CDH8: variants seen among roughly 807,000 people sequenced by gnomAD.
The protein encoded by CDH8 is cadherin-8.
A neutral mutation model predicts 68.1 loss-of-function variants in CDH8; 17 were observed. The ratio of observed to expected loss-of-function variants is 0.25; its 90% CI spans 0.17 to 0.37. The LOEUF is 0.37. Ranked by LOEUF, CDH8 falls within the 10% of genes least tolerant of loss-of-function variation. The pLI, the probability that CDH8 is intolerant of heterozygous loss-of-function variation, is 1.00. For missense variants in CDH8, 763 were observed against 999.3 expected (o/e 0.76, Z 3.19); for synonymous variants, 372 against 365.1 (o/e 1.02, Z -0.21).
intron 3 of CDH8, among the ~76,000 whole-genome samples, chr16:61,880,460 A>AAAGC (rs1239693599): frequency 6.6e-6 from 1 of 152,204 alleles, no homozygotes; most frequent in East Asian, 1.9e-4. Context: ...CTATATCCAG[A>AAAGC]AAGCAATGGA....
Position 62,021,292 on chromosome 16 carries a change from A to C in CDH8, c.112T>G (p.Leu38Val). ...AGTTCCAAAGGGGATCCACTCATTAAAACTTGAGACTGATTCATCGGAGCC... is the reference window on the plus strand; with the variant it reads ...AGTTCCAAAGGGGATCCACTCATTACAACTTGAGACTGATTCATCGGAGCC... ...YMAPMNQSQV[L>V]MSGSPLELNS... The change falls in exon 2 of 12, where the codon TTA (leucine) becomes GTA (valine). Residue 38 changes from leucine to valine, a missense_variant. Physicochemically the swap from Leu to Val is conservative, Grantham distance 32. Coordinates refer to ENST00000577390, the MANE Select transcript of CDH8 (RefSeq NM_001796.5). The C allele has an allele frequency of 6.2e-7, 1 of 1,614,060 alleles. No homozygotes were observed. Among genetic ancestry groups the C allele is most frequent in the Admixed American group, 1.7e-5 (1 of 59,988 alleles).
At chr16:61,886,823 C>T (rs764339553) in intron 3 of CDH8, among the ~76,000 whole-genome samples, 4 of 152,160 alleles carry the variant, frequency 2.6e-5, no homozygotes, top group Non-Finnish European at 5.9e-5. Flanking sequence ...CAAATACCTG[C>T]GGTTGAGACT....
At chr16:61,692,965 C>G (rs919281042) in intron 10 of CDH8, 1 of 152,114 alleles carries the variant, frequency 6.6e-6, no homozygotes, top group African/African-American at 2.4e-5. Context: ...AAAGTGCCTA[C>G]GATAACATGA....
intron 7 of CDH8, among the ~76,000 whole-genome samples, chr16:61,790,619 C>A (rs12925150): frequency 1.3e-5 from 2 of 151,842 alleles, no homozygotes; most frequent in African/African-American, 4.8e-5. Flanking sequence ...TAGTACTGAG[C>A]GCATTTCTTA....
At chr16:61,998,255 A>G (rs1965839615) in intron 2 of CDH8, among the ~76,000 whole-genome samples, 1 of 152,226 alleles carries the variant, frequency 6.6e-6, no homozygotes, top group Admixed American at 6.5e-5. Flanking sequence ...TTATTAATAT[A>G]TTGTTATTGT....
intron 10 of CDH8, among the ~76,000 whole-genome samples, chr16:61,669,837 C>A (rs1963755738): frequency 6.6e-6 from 1 of 152,088 alleles, no homozygotes; most frequent in Non-Finnish European, 1.5e-5. Flanking sequence ...CTTCATCTCT[C>A]TGCACCTCCC....
intron 10 of CDH8, among the ~76,000 whole-genome samples, chr16:61,701,791 T>A (rs548231526): frequency 9.2e-5 from 14 of 152,344 alleles, no homozygotes; most frequent in African/African-American, 3.4e-4. Flanking sequence ...CAAGCAGATT[T>A]CCTCCATGTC....
chr16:61,697,906 G>T (rs187720558), intron 10 of CDH8, among the ~76,000 whole-genome samples: 1 of 152,194 alleles, frequency 6.6e-6, no homozygotes, highest in Non-Finnish European at 1.5e-5. Flanking sequence ...CAAAAAACAG[G>T]CTCATGCAAC....
chr16:61,702,772 G>A (rs932812534), intron 10 of CDH8, among the ~76,000 whole-genome samples: 2 of 152,208 alleles, frequency 1.3e-5, no homozygotes, highest in Non-Finnish European at 2.9e-5. Flanking sequence ...AAACTGCAAG[G>A]ATTTAAGAGA....
intron 10 of CDH8, among the ~76,000 whole-genome samples, chr16:61,700,266 C>T (rs1964397730): frequency 6.7e-6 from 1 of 149,828 alleles, no homozygotes; most frequent in African/African-American, 2.4e-5. Flanking sequence ...TATATTAGAT[C>T]TATTTTTAGT....
chr16:61,779,772 A>G (rs2142992009), intron 8 of CDH8, among the ~76,000 whole-genome samples: 1 of 152,262 alleles, frequency 6.6e-6, no homozygotes, highest in African/African-American at 2.4e-5. Flanking sequence ...TCTCCATAAT[A>G]AAATGCATGC....
At chr16:61,658,196 A>G (rs965596392) in intron 10 of CDH8, among the ~76,000 whole-genome samples, 17 of 152,240 alleles carry the variant, frequency 1.1e-4, no homozygotes, top group African/African-American at 4.1e-4. Context: ...ATCAAAAACC[A>G]TAGAATATTA....
intron 2 of CDH8, among the ~76,000 whole-genome samples, chr16:61,956,788 G>A (rs1002475398): frequency 4.6e-5 from 7 of 152,000 alleles, no homozygotes; most frequent in African/African-American, 7.2e-5. Context: ...TTCTTTACCC[G>A]GCACCCTCAG....
intron 2 of CDH8, among the ~76,000 whole-genome samples, chr16:61,935,970 G>A (rs933354740): frequency 6.6e-6 from 1 of 152,036 alleles, no homozygotes; most frequent in Non-Finnish European, 1.5e-5. Flanking sequence ...CACAAGCTCT[G>A]GAACTGAATT....
rs139040574 is a variant in CDH8, at chr16:62,035,203, G to A, written c.-200+877C>T. Reference sequence around the variant, plus strand: ...TTACGTACTGGCAGAACCTAGGCAAGAGCCTTTTTCCCTCCGATCCTGCGA... The same window carrying A: ...TTACGTACTGGCAGAACCTAGGCAAAAGCCTTTTTCCCTCCGATCCTGCGA... On this transcript the variant is annotated intron_variant, in intron 1 of 11. Transcript: ENST00000577390. 1,430 of 152,388 alleles carry A rather than the reference G, an allele frequency of 9.4e-3. 12 individuals carry two copies. The highest frequency in any genetic ancestry group is 0.014 in the Middle Eastern group (4 of 296). 9.4% of individuals were successfully genotyped at this position (152,388 alleles called of 1,614,324 possible).
chr16:61,820,971 G>A lies in CDH8; in HGVS notation c.978C>T (p.Ile326=). ...CATCCTGGGCCTGGGCATCAGAAGTGATTTCAAAAAGTGCTGTTCCATCTC... is the reference window on the plus strand; with the variant it reads ...CATCCTGGGCCTGGGCATCAGAAGTAATTTCAAAAAGTGCTGTTCCATCTC... The part of the protein sequence containing the change: ...IDGDGTALFE[I]TSDAQAQDGI... The change falls in exon 6 of 12, where the codon ATC becomes ATT. Residue 326 remains isoleucine, a synonymous_variant. Coordinates refer to ENST00000577390, the MANE Select transcript of CDH8 (RefSeq NM_001796.5). 6.2e-7 allele frequency: 1 copy of A among 1,612,646 alleles called. No individual in the cohort carries two copies. Among genetic ancestry groups the A allele is most frequent in the South Asian group, 1.1e-5 (1 of 90,968 alleles).
chr16:61,739,038 C>A (rs1375158104), intron 8 of CDH8, among the ~76,000 whole-genome samples: 1 of 152,110 alleles, frequency 6.6e-6, no homozygotes, highest in East Asian at 1.9e-4. Flanking sequence ...TATTGCTTCT[C>A]ATGTCCCTTT....
intron 10 of CDH8, among the ~76,000 whole-genome samples, chr16:61,659,293 T>G (rs1596838503): frequency 6.6e-6 from 1 of 152,154 alleles, no homozygotes; most frequent in South Asian, 2.1e-4. Flanking sequence ...GTAAGAATGG[T>G]AAGACTCTGG....
At position 61,647,580 on chromosome 16, in the gene CDH8, C is replaced by T; in HGVS notation, c.*6028G>A. 1 of 523,534 alleles carries T rather than the reference C, an allele frequency of 1.9e-6. No individual in the cohort carries two copies. Among genetic ancestry groups the T allele is most frequent in the Non-Finnish European group, 3.4e-6 (1 of 295,036 alleles). The allele number at this position is 523,534 out of a possible 1,614,324, so 32.4% of individuals were successfully genotyped here. A position where few individuals can be genotyped will look rare whatever the true frequency, so the allele number is the denominator to read the frequency against. ...TCATAGGATGGCCTGAAGTTCTTTGCATGTACAGAAGAAATCCCAAGAAAT... is the reference window on the plus strand; with the variant it reads ...TCATAGGATGGCCTGAAGTTCTTTGTATGTACAGAAGAAATCCCAAGAAAT... On this transcript the variant is annotated 3_prime_UTR_variant, in exon 12 of 12. Transcript: ENST00000577390.
Sources: gnomAD v4.1 joint callset for allele counts (sites outside exome capture counted in the v4.1 genomes callset) on GRCh38, gnomAD v4.1.1 for gene constraint, MANE v1.5 for transcripts, NCBI Gene and HGNC (gene_info 2026-07-23, HGNC 2026-07-21) for gene names.